HIF1A: variants seen among roughly 807,000 people sequenced by gnomAD.
HIF1A encodes the protein hypoxia-inducible factor 1-alpha.
In HIF1A, 24 loss-of-function variants were observed where a neutral mutation model predicts 92.7. The ratio of observed to expected loss-of-function variants is 0.26; its 90% CI spans 0.19 to 0.36. HIF1A has a LOEUF of 0.36. Among genes scored for constraint, HIF1A ranks in the 10% least tolerant of loss-of-function variants. HIF1A has a pLI of 1.00. For missense variants in HIF1A, 799 were observed against 998.5 expected (o/e 0.80, Z 2.69); for synonymous variants, 319 against 338.7 (o/e 0.94, Z 0.64).
chr14:61,724,191 C>G (rs1204190026), intron 4 of HIF1A, among the ~76,000 whole-genome samples: 1 of 150,712 alleles, frequency 6.6e-6, no homozygotes, highest in Non-Finnish European at 1.5e-5. Flanking sequence ...TTAAATTAAT[C>G]TGCAGGTCCC....
chr14:61,720,676 T>A, intron 2 of HIF1A, 104 bp downstream of exon 2: 1 of 678,854 alleles, frequency 1.5e-6, no homozygotes, highest in South Asian at 2.5e-5. Flanking sequence ...TTTGTATACC[T>A]CTTTATATTG....
intron 4 of HIF1A, among the ~76,000 whole-genome samples, chr14:61,722,222 C>T (rs2044440139): frequency 6.6e-6 from 1 of 151,920 alleles, no homozygotes; most frequent in Non-Finnish European, 1.5e-5. Context: ...TTAGCTGGGA[C>T]CACAGACGCG....
At chr14:61,695,945 A>G in intron 1 of HIF1A, 106 bp downstream of exon 1, 4 of 1,052,506 alleles carry the variant, frequency 3.8e-6, no homozygotes, top group Non-Finnish European at 5.5e-6. Context: ...TGGGGGGGGC[A>G]GCCTTTTTGT....
chr14:61,737,874 A>G (rs1022701960), intron 9 of HIF1A, among the ~76,000 whole-genome samples: 8 of 152,176 alleles, frequency 5.3e-5, no homozygotes, highest in Admixed American at 4.6e-4. Context: ...CAAAAATACA[A>G]AAGTTAGCTG....
Position 61,745,779 on chromosome 14 carries a change from A to G in HIF1A, c.2291A>G (p.Asn764Ser). 2 of 1,612,732 alleles carry G rather than the reference A, an allele frequency of 1.2e-6. No homozygotes were observed. The highest frequency in any genetic ancestry group is 1.7e-6 in the Non-Finnish European group (2 of 1,178,770). Residue 764 changes from asparagine to serine, a missense_variant, in exon 14 of 15, where the codon AAT becomes AGT. Transcript: ENST00000337138. Reference sequence around the variant, plus strand: ...AAAGGATGCAAATCTAGTGAACAGAATGGAATGGAGCAAAAGACAATTATT... The same window carrying G: ...AAAGGATGCAAATCTAGTGAACAGAGTGGAATGGAGCAAAAGACAATTATT... ...RVKGCKSSEQ[N>S]GMEQKTIILI...
Position 61,726,739 on chromosome 14 carries a change from A to G in HIF1A, c.491A>G (p.Gln164Arg). The G allele has an allele frequency of 6.2e-7, 1 of 1,609,438 alleles. No individual in the cohort carries two copies. Among genetic ancestry groups the G allele is most frequent in the Non-Finnish European group, 8.5e-7 (1 of 1,178,024 alleles). Residue 164 changes from glutamine to arginine, a missense_variant, in exon 5 of 15, where the codon CAG (glutamine) becomes CGG (arginine). Coordinates refer to ENST00000337138, the MANE Select transcript of HIF1A (RefSeq NM_001530.4). ...LVKKGKEQNT[Q>R]RSFFLRMKCT... The stretch of plus-strand genomic sequence containing the variant: ...AAAAAGGGTAAAGAACAAAACACAC[A>G]GCGAAGCTTTTTTCTCAGAATGAAG...
intron 6 of HIF1A, among the ~76,000 whole-genome samples, chr14:61,729,582 G>T (rs2140144839): frequency 6.6e-6 from 1 of 152,184 alleles, no homozygotes; most frequent in East Asian, 1.9e-4. Context: ...TTAAGAAAAT[G>T]AATATAGAAA....
At chr14:61,737,866 A>G (rs2044657255) in intron 9 of HIF1A, among the ~76,000 whole-genome samples, 1 of 152,030 alleles carries the variant, frequency 6.6e-6, no homozygotes, top group South Asian at 2.1e-4. Context: ...GTCTCTACCA[A>G]AAATACAAAA....
chr14:61,736,244 T>C (rs2140151796), intron 8 of HIF1A, among the ~76,000 whole-genome samples: 1 of 152,310 alleles, frequency 6.6e-6, no homozygotes, highest in East Asian at 1.9e-4. Flanking sequence ...CCCAAAGTCC[T>C]GGGATTACAG....
intron 1 of HIF1A, among the ~76,000 whole-genome samples, chr14:61,700,791 CTTG>C (rs1204925681): frequency 6.6e-6 from 1 of 152,212 alleles, no homozygotes; most frequent in African/African-American, 2.4e-5. Context: ...CTTCTAAACA[CTTG>C]TTTTCTTTCT....
In HIF1A at chr14:61,740,546, T is replaced by G. The variant is rs746839427; in HGVS notation, c.1578T>G (p.Asp526Glu). Residue 526 changes from aspartate to glutamate, a missense_variant, in exon 11 of 15, where the codon GAT (aspartate) becomes GAG (glutamate). Transcript: ENST00000337138. ...AATATTGTTTTTATGTGGATAGTGATATGGTCAATGAATTCAAGTTGGAAT... is the reference window on the plus strand; with the variant it reads ...AATATTGTTTTTATGTGGATAGTGAGATGGTCAATGAATTCAAGTTGGAAT... ...PSEYCFYVDS[D>E]MVNEFKLELV... The G allele has an allele frequency of 6.3e-7, 1 of 1,598,536 alleles. No individual in the cohort carries two copies. The highest frequency in any genetic ancestry group is 8.6e-7 in the Non-Finnish European group (1 of 1,168,084).
At chr14:61,723,801 G>A (rs994893912) in intron 4 of HIF1A, among the ~76,000 whole-genome samples, 1 of 152,200 alleles carries the variant, frequency 6.6e-6, no homozygotes, top group Non-Finnish European at 1.5e-5. Context: ...TCTTAATATA[G>A]TTTAAATGTA....
rs1460497656 is a variant in HIF1A at position 61,741,149 on chromosome 14, C to G, written c.2054C>G (p.Pro685Arg). 2 of 1,612,386 alleles carry G rather than the reference C, an allele frequency of 1.2e-6. No homozygotes were observed. The highest frequency in any genetic ancestry group is 1.7e-5 in the Admixed American group (1 of 59,672). ...GVIEQTEKSHPRSPNVLSVAL... is the reference protein window; with the variant it reads ...GVIEQTEKSHRRSPNVLSVAL... ...ATAGAACAGACAGAAAAATCTCATC[C>G]AAGAAGCCCTAACGTGTTATCTGTC... The change falls in exon 12 of 15, where the codon CCA becomes CGA. Residue 685 changes from proline to arginine, a missense_variant. By Grantham distance (103) the Pro-to-Arg change is moderately radical. Coordinates refer to ENST00000337138, the MANE Select transcript of HIF1A (RefSeq NM_001530.4).
chr14:61,697,730 A>G (rs2044132434), intron 1 of HIF1A: 3 of 1,314,014 alleles, frequency 2.3e-6, no homozygotes, highest in African/African-American at 3.0e-5. Flanking sequence ...GTGGTTACTC[A>G]GCACTTTTAG....
intron 12 of HIF1A, 34 bp from the exon 13 acceptor site, chr14:61,744,671 G>T: frequency 3.5e-6 from 3 of 868,040 alleles, no homozygotes; most frequent in Non-Finnish European, 5.5e-6. Flanking sequence ...TTTTAAAAAC[G>T]CTATATTTTC....
At position 61,707,576 on chromosome 14, in the gene HIF1A, G is replaced by A. The variant is rs189336146; in HGVS notation, c.35+11737G>A. Among the ~76,000 whole-genome samples the A allele has an allele frequency of 3.0e-3, 458 of 151,772 alleles. 5 individuals carry two copies. Among genetic ancestry groups the A allele is most frequent in the African/African-American group, 0.01 (422 of 41,336 alleles). ...GCGGTGTTTGGTTTTTTGTCCTTGCGATAGTTTGCTGAGAATGATGGTTTC... is the reference window on the plus strand; with the variant it reads ...GCGGTGTTTGGTTTTTTGTCCTTGCAATAGTTTGCTGAGAATGATGGTTTC... On this transcript the variant is annotated intron_variant, in intron 1 of 14. Coordinates refer to ENST00000337138, the MANE Select transcript of HIF1A (RefSeq NM_001530.4).
chr14:61,724,129 T>G (rs1019071189), intron 4 of HIF1A, among the ~76,000 whole-genome samples: 4 of 143,856 alleles, frequency 2.8e-5, no homozygotes, highest in African/African-American at 5.3e-5. Flanking sequence ...TTGTTTTTTG[T>G]TTTTTTTTTC....
intron 8 of HIF1A, 142 bp from the exon 9 acceptor site, chr14:61,736,747 A>G: frequency 4.8e-6 from 3 of 625,220 alleles, no homozygotes; most frequent in Non-Finnish European, 8.5e-6. Flanking sequence ...CACAGTACGC[A>G]TGAGTGATCA....
At chr14:61,720,246 A>G in intron 1 of HIF1A, 136 bp from the exon 2 acceptor site, 2 of 602,396 alleles carry the variant, frequency 3.3e-6, no homozygotes, top group South Asian at 2.5e-5. Context: ...CTAGTAGACA[A>G]ATCTCCATGT....
Sources: gnomAD v4.1 joint callset for allele counts (sites outside exome capture counted in the v4.1 genomes callset) on GRCh38, gnomAD v4.1.1 for gene constraint, MANE v1.5 for transcripts, NCBI Gene and HGNC (gene_info 2026-07-23, HGNC 2026-07-21) for gene names.